RIC8B: variants seen among roughly 807,000 people sequenced by gnomAD.
RIC8B encodes RIC8 guanine nucleotide exchange factor B.
RIC8B carries 16 observed loss-of-function variants against 57.5 expected under a neutral mutation model. That is an observed-to-expected ratio of 0.28 (90% CI 0.19 to 0.42). The LOEUF is 0.42. RIC8B is among the 10% of genes least tolerant of loss of function. The probability of loss-of-function intolerance (pLI) is 1.00; values close to 1 mark genes in which losing one functional copy is unlikely to be tolerated. For synonymous variants in RIC8B, 216 were observed against 250.8 expected, an observed-to-expected ratio of 0.86 and a Z score of 1.31; for missense variants, 481 against 677.0, an observed-to-expected ratio of 0.71 and a Z score of 3.21.
At chr12:106,795,985 G>C (rs1435918553) in intron 2 of RIC8B, among the ~76,000 whole-genome samples, 1 of 152,138 alleles carries the variant, frequency 6.6e-6, no homozygotes, top group African/African-American at 2.4e-5. Context: ...GTAAAACATT[G>C]TTAAAGGAAA....
Position 106,879,548 on chromosome 12 carries a change from A to G in RIC8B, c.1572-6356A>G. 1.0e-6 allele frequency: 1 copy of G among 984,942 alleles called. No homozygotes were observed. The highest frequency in any genetic ancestry group is 1.2e-6 in the Non-Finnish European group (1 of 829,648). 61.0% of individuals were successfully genotyped at this position (984,942 alleles called of 1,614,324 possible). On this transcript the variant is annotated intron_variant, in intron 9 of 9. Coordinates refer to ENST00000392837, the MANE Select transcript of RIC8B (RefSeq NM_001330145.2). The surrounding 1 kb of genome is among the most constrained non-coding windows in gnomAD (Gnocchi z 4.9). ...AAATATATCTGGAAAAAAAAAACAG[A>G]CCAGAATATTTTAAATATGGTGTAA... is the stretch of plus-strand genomic sequence containing the variant.
intron 4 of RIC8B, among the ~76,000 whole-genome samples, chr12:106,837,642 T>TG (rs1343912449): frequency 6.8e-6 from 1 of 146,460 alleles, no homozygotes; most frequent in East Asian, 1.9e-4. Context: ...ATCTTTTGTT[T>TG]TTTTTTTTTT....
intron 6 of RIC8B, among the ~76,000 whole-genome samples, chr12:106,849,660 A>G (rs1949376879): frequency 6.6e-6 from 1 of 152,124 alleles, no homozygotes. Flanking sequence ...GCCCTAGTTA[A>G]CAGGATGACT....
intron 9 of RIC8B, among the ~76,000 whole-genome samples, chr12:106,878,783 G>A (rs190129735): frequency 6.6e-6 from 1 of 151,952 alleles, no homozygotes; most frequent in African/African-American, 2.4e-5. Flanking sequence ...TAAAAACAGA[G>A]AATTAATCAG....
chr12:106,868,509 A>G (rs1419429233), intron 8 of RIC8B: 2 of 337,404 alleles, frequency 5.9e-6, no homozygotes, highest in Admixed American at 7.5e-5. Context: ...AAACCAGTGA[A>G]AAGAGATGTC....
chr12:106,864,191 C>T (rs540560315), intron 8 of RIC8B, among the ~76,000 whole-genome samples: 1 of 152,192 alleles, frequency 6.6e-6, no homozygotes, highest in East Asian at 1.9e-4. Flanking sequence ...TTTTCAGAAA[C>T]TGGTATCTCT....
chr12:106,815,787 G>C (rs954528596), intron 3 of RIC8B, among the ~76,000 whole-genome samples: 1 of 152,170 alleles, frequency 6.6e-6, no homozygotes, highest in Non-Finnish European at 1.5e-5. Context: ...CCCAGTCTCT[G>C]GGAGGTTTCT....
chr12:106,819,578 C>A (rs187746984), intron 3 of RIC8B, among the ~76,000 whole-genome samples: 89 of 151,806 alleles, frequency 5.9e-4, no homozygotes, highest in Admixed American at 1.1e-3. Context: ...ATAGTGAGAC[C>A]TGATCTCTAC....
chr12:106,851,009 G>A (rs1232426372), intron 6 of RIC8B, among the ~76,000 whole-genome samples: 10 of 152,100 alleles, frequency 6.6e-5, no homozygotes. Flanking sequence ...AAGCATTTTG[G>A]ATAAGGTATA....
chr12:106,792,160 TC>T (rs1253557582), intron 2 of RIC8B, among the ~76,000 whole-genome samples: 2 of 152,258 alleles, frequency 1.3e-5, no homozygotes, highest in Non-Finnish European at 2.9e-5. Flanking sequence ...TTTTTAAAGT[TC>T]CTGTCCAGCT....
intron 7 of RIC8B, among the ~76,000 whole-genome samples, chr12:106,851,841 A>G (rs1184975347): frequency 1.3e-5 from 2 of 152,214 alleles, no homozygotes; most frequent in African/African-American, 2.4e-5. Flanking sequence ...TGCCTTCTGT[A>G]TCCTTAACCC....
chr12:106,786,400 C>T (rs933824907), intron 2 of RIC8B, among the ~76,000 whole-genome samples: 2 of 151,998 alleles, frequency 1.3e-5, no homozygotes, highest in African/African-American at 2.4e-5. Flanking sequence ...CTGCCCATCT[C>T]GGCCTCCCAA....
At chr12:106,853,767 T>C (rs564924307) in intron 7 of RIC8B, among the ~76,000 whole-genome samples, 1 of 152,042 alleles carries the variant, frequency 6.6e-6, no homozygotes, top group East Asian at 1.9e-4. Context: ...GCACCTGACC[T>C]ATAATCATTT....
At chr12:106,828,296 A>G (rs2046202168) in intron 4 of RIC8B, among the ~76,000 whole-genome samples, 1 of 152,182 alleles carries the variant, frequency 6.6e-6, no homozygotes, top group Non-Finnish European at 1.5e-5. Context: ...GATTAGTATC[A>G]TTTTGAGCAG....
At chr12:106,800,745 C>T (rs1362429603) in intron 2 of RIC8B, among the ~76,000 whole-genome samples, 1 of 151,978 alleles carries the variant, frequency 6.6e-6, no homozygotes, top group Admixed American at 6.6e-5. Context: ...TTCAGAGTGG[C>T]TAATTGAGTG....
chr12:106,786,141 ATTTTTTTTTTTTT>A (rs893618675), intron 2 of RIC8B, among the ~76,000 whole-genome samples: 1 of 73,886 alleles, frequency 1.4e-5, no homozygotes, highest in Admixed American at 1.5e-4. Flanking sequence ...CCCAAGGTGT[ATTTTTTTTTTTTT>A]TTTTTTTTTT....
At chr12:106,872,669 C>CAAAAA (rs11396158) in intron 9 of RIC8B, among the ~76,000 whole-genome samples, 1 of 92,850 alleles carries the variant, frequency 1.1e-5, no homozygotes, top group Non-Finnish European at 2.2e-5. Context: ...AACTCTGTCT[C>CAAAAA]AAAAAAAAAA....
chr12:106,861,760 T>C (rs1357382815), intron 8 of RIC8B, among the ~76,000 whole-genome samples: 1 of 152,106 alleles, frequency 6.6e-6, no homozygotes, highest in Non-Finnish European at 1.5e-5. Context: ...TGATATCTCT[T>C]GATTTGAGTC....
intron 4 of RIC8B, among the ~76,000 whole-genome samples, chr12:106,830,734 G>A (rs775346810): frequency 2.0e-5 from 3 of 152,096 alleles, no homozygotes; most frequent in Non-Finnish European, 1.5e-5. Context: ...CAGACTGCCC[G>A]ATTTAAATTA....
Sources: allele counts gnomAD v4.1 joint callset (sites outside exome capture counted in the v4.1 genomes callset), GRCh38; gene constraint gnomAD v4.1.1; non-coding constraint Gnocchi (gnomAD v3.1); transcripts MANE v1.5; gene names NCBI Gene and HGNC (gene_info 2026-07-23, HGNC 2026-07-21).